Variants in NAA38 observed in about 807,000 individuals in gnomAD.
The protein encoded by NAA38 is N-alpha-acetyltransferase 38, NatC auxiliary subunit, also known as LSM domain containing 1.
NAA38 carries 15 observed loss-of-function variants against 12.6 expected under a neutral mutation model. The observed-to-expected ratio is 1.19, with a 90% confidence interval of 0.79 to 1.83. NAA38 has a LOEUF of 1.83. Ranked by LOEUF, NAA38 falls within the 40% of genes most tolerant of loss-of-function variation. The probability of loss-of-function intolerance (pLI) is 0.00; values close to 1 mark genes in which losing one functional copy is unlikely to be tolerated. For synonymous variants in NAA38, 88 were observed against 69.9 expected (o/e 1.26, Z -1.29); for missense variants, 183 against 171.7 (o/e 1.07, Z -0.37).
chr17:7,880,022 G>A (rs1967244129), intron 2 of NAA38, among the ~76,000 whole-genome samples: 1 of 152,034 alleles, frequency 6.6e-6, no homozygotes, highest in Non-Finnish European at 1.5e-5. Flanking sequence ...GAGAGAAAGA[G>A]AGAAGAAGGG....
chr17:7,866,109 C>T (rs8069101), intron 3 of NAA38: 25,024 of 131,860 alleles, frequency 0.19, 2,649 homozygotes, highest in African/African-American at 0.29. Flanking sequence ...TTTTTTGAGA[C>T]GGAGTCTCGC....
At chr17:7,858,095 G>A (rs1176184986), upstream of NAA38, 1 of 1,610,208 alleles carries the variant, frequency 6.2e-7, no homozygotes, top group Non-Finnish European at 8.5e-7. Flanking sequence ...GAGGAGCAAA[G>A]GAGTAACCAA....
upstream of NAA38, chr17:7,858,918 G>C: frequency 2.5e-6 from 3 of 1,179,026 alleles, no homozygotes; most frequent in Non-Finnish European, 3.5e-6. Flanking sequence ...TCCATAACCG[G>C]TGGGAGTGTA....
chr17:7,857,830 A>G, upstream of NAA38: 7 of 1,351,716 alleles, frequency 5.2e-6, no homozygotes, highest in Non-Finnish European at 6.7e-6. Flanking sequence ...CCACTGAATT[A>G]AAACGGAGCG....
upstream of NAA38, chr17:7,857,631 T>A (rs1303959886): frequency 1.5e-6 from 2 of 1,355,036 alleles, no homozygotes; most frequent in East Asian, 5.6e-5. Flanking sequence ...CTCCTACTTC[T>A]CTAGCGCTGT....
chr17:7,857,158 GC>G lies in NAA38; in HGVS notation c.121del (p.Ala41ProfsTer5), dbSNP rs950436932. 1.9e-6 allele frequency: 3 copies of G among 1,612,856 alleles called. No individual in the cohort carries two copies. Among genetic ancestry groups the G allele is most frequent in the Non-Finnish European group, 2.5e-6 (3 of 1,180,012 alleles). Reference sequence around the variant, plus strand: ...GAGCAGCGCCTCTAGCTGCTGTCGGGCGCGCTCAGCCGCCGAGTCCTCGCGC... The same window carrying G: ...GAGCAGCGCCTCTAGCTGCTGTCGGGGCGCTCAGCCGCCGAGTCCTCGCGC... ...GEREDSAAERARQQLEALLNK... is the reference protein window; with the variant it reads ...GEREDSAAERXRQQLEALLNK... On this transcript the variant is annotated frameshift_variant, in exon 2 of 3. Coordinates refer to ENST00000575771, the MANE Select transcript of NAA38 (RefSeq NM_001320925.4). LOFTEE classifies it high-confidence loss of function.
At chr17:7,880,283 G>C (rs1967248945) in intron 2 of NAA38, among the ~76,000 whole-genome samples, 2 of 151,340 alleles carry the variant, frequency 1.3e-5, no homozygotes, top group Admixed American at 6.6e-5. Flanking sequence ...AAAGAACCAA[G>C]AAAAGAGAAG....
intron 1 of NAA38, chr17:7,884,716 G>A: frequency 2.9e-6 from 1 of 347,376 alleles, no homozygotes; most frequent in Non-Finnish European, 5.0e-6. Context: ...AGGAGGAGGA[G>A]GAGGAGGAGG....
Position 7,857,184 on chromosome 17 carries a change from C to T in NAA38, c.96G>A (p.Glu32=), listed in dbSNP as rs2078828373. The T allele has an allele frequency of 1.2e-6, 2 of 1,613,008 alleles. No individual in the cohort carries two copies. The highest frequency in any genetic ancestry group is 1.3e-5 in the African/African-American group (1 of 74,936). ...SSSSAGDSDG[E]REDSAAERAR... is the part of the protein sequence containing the mutation. ...CGCGCTCAGCCGCCGAGTCCTCGCG[C>T]TCTCCGTCCGAATCCTGCGCGGGGT... is the stretch of plus-strand genomic sequence containing the variant. The change falls in exon 2 of 3, where the codon GAG becomes GAA. Residue 32 remains glutamate, a synonymous_variant. Coordinates refer to ENST00000575771, the MANE Select transcript of NAA38 (RefSeq NM_001320925.4).
At chr17:7,869,410 G>A (rs781692159) in intron 2 of NAA38, among the ~76,000 whole-genome samples, 1 of 152,036 alleles carries the variant, frequency 6.6e-6, no homozygotes, top group Admixed American at 6.6e-5. Flanking sequence ...CTACAGTTTT[G>A]GAATATAGAA....
chr17:7,871,125 A>G (rs1967078843), intron 2 of NAA38, among the ~76,000 whole-genome samples: 1 of 152,190 alleles, frequency 6.6e-6, no homozygotes, highest in Non-Finnish European at 1.5e-5. Flanking sequence ...TTCTTTCTCA[A>G]TTGCTATTAA....
At chr17:7,872,249 T>C (rs1967097728) in intron 2 of NAA38, among the ~76,000 whole-genome samples, 1 of 152,250 alleles carries the variant, frequency 6.6e-6, no homozygotes, top group Non-Finnish European at 1.5e-5. Flanking sequence ...TTGATGCTTG[T>C]TGTACGCTTA....
intron 1 of NAA38, among the ~76,000 whole-genome samples, chr17:7,884,064 C>G (rs1240943671): frequency 1.9e-5 from 2 of 103,072 alleles, no homozygotes; most frequent in Non-Finnish European, 4.0e-5. Flanking sequence ...ATCCTTCATG[C>G]CCCCCCAACA....
chr17:7,869,547 A>C (rs962854611), intron 2 of NAA38, among the ~76,000 whole-genome samples: 9 of 152,138 alleles, frequency 5.9e-5, no homozygotes, highest in African/African-American at 2.2e-4. Context: ...GGATCACTTC[A>C]GGTCAGGAGT....
chr17:7,871,095 T>C (rs1967078414), intron 2 of NAA38, among the ~76,000 whole-genome samples: 1 of 152,172 alleles, frequency 6.6e-6, no homozygotes, highest in Non-Finnish European at 1.5e-5. Context: ...ACAAATTCAT[T>C]ATGGCCTCTT....
At chr17:7,858,333 G>C, upstream of NAA38, 1 of 1,614,052 alleles carries the variant, frequency 6.2e-7, no homozygotes, top group Non-Finnish European at 8.5e-7. Context: ...GAGTGTGTGT[G>C]TGTGCACGCG....
At chr17:7,869,846 G>T (rs954145659) in intron 2 of NAA38, among the ~76,000 whole-genome samples, 1 of 152,148 alleles carries the variant, frequency 6.6e-6, no homozygotes, top group Admixed American at 6.5e-5. Flanking sequence ...AAGTGAAGGG[G>T]TAAGAGGAAG....
chr17:7,859,705 T>C, upstream of NAA38: 2 of 1,117,164 alleles, frequency 1.8e-6, no homozygotes, highest in Non-Finnish European at 2.7e-6. Context: ...GAGGGGTGCC[T>C]GGACCCAGAT....
At chr17:7,885,096 C>A in intron 1 of NAA38, 4 of 964,064 alleles carry the variant, frequency 4.1e-6, no homozygotes, top group Non-Finnish European at 4.9e-6. Context: ...AAGCGCCCGC[C>A]CCGACTCCCC....
Sources: allele counts gnomAD v4.1 joint callset (sites outside exome capture counted in the v4.1 genomes callset), GRCh38; gene constraint gnomAD v4.1.1; transcripts MANE v1.5; gene names NCBI Gene and HGNC (gene_info 2026-07-23, HGNC 2026-07-21).